Variants in EXOC4 observed in about 807,000 individuals in gnomAD.
EXOC4 encodes the protein SEC8-like 1.
EXOC4 carries 71 observed loss-of-function variants against 107.2 expected under a neutral mutation model. The observed-to-expected ratio is 0.66, with a 90% confidence interval of 0.55 to 0.81. EXOC4 has a LOEUF of 0.81. EXOC4 is among the 30% of genes least tolerant of loss of function. The probability of loss-of-function intolerance (pLI) is 0.00; values close to 1 mark genes in which losing one functional copy is unlikely to be tolerated. For synonymous variants in EXOC4, 456 were observed against 441.2 expected, an observed-to-expected ratio of 1.03 and a Z score of -0.42; for missense variants, 1,108 against 1,189.6, an observed-to-expected ratio of 0.93 and a Z score of 1.01.
chr7:133,558,611 A>G (rs190843552), intron 9 of EXOC4, among the ~76,000 whole-genome samples: 2 of 152,080 alleles, frequency 1.3e-5, no homozygotes, highest in Non-Finnish European at 2.9e-5. Flanking sequence ...TATTCTTCAA[A>G]TGTCTTTTTA....
chr7:133,592,835 T>A (rs757011636), intron 9 of EXOC4, among the ~76,000 whole-genome samples: 5 of 152,158 alleles, frequency 3.3e-5, no homozygotes, highest in Non-Finnish European at 7.4e-5. Flanking sequence ...TCTCCTGACC[T>A]CATGATCCAC....
intron 10 of EXOC4, among the ~76,000 whole-genome samples, chr7:133,667,894 T>C (rs2151053792): frequency 6.6e-6 from 1 of 152,306 alleles, no homozygotes; most frequent in East Asian, 1.9e-4. Context: ...AGACAAAAAA[T>C]AGACTGTGCA....
rs868384602 is a variant in EXOC4, at chr7:133,971,405, G to A, written c.2207-26087G>A. Among the ~76,000 whole-genome samples, 82 of 139,440 alleles carry A rather than the reference G, an allele frequency of 5.9e-4. 2 individuals are homozygous for A. The highest frequency in any genetic ancestry group is 2.2e-4 in the Non-Finnish European group (14 of 64,620). 91.5% of individuals were successfully genotyped at this position (139,440 alleles called of 152,430 possible). A position where few individuals can be genotyped will look rare whatever the true frequency, so the allele number is the denominator to read the frequency against. On this transcript the variant is annotated intron_variant, in intron 14 of 17. Coordinates refer to ENST00000253861, the MANE Select transcript of EXOC4 (RefSeq NM_021807.4). ...AGAGAGAGAGAGAGAGAGAGAGAAA[G>A]AGAGAGAGAATATGTATTCTATGTA...
chr7:133,619,597 G>C (rs1214824571), intron 9 of EXOC4, among the ~76,000 whole-genome samples: 1 of 152,172 alleles, frequency 6.6e-6, no homozygotes, highest in African/African-American at 2.4e-5. Context: ...AATGAGATGG[G>C]CTCACCTGAT....
chr7:134,013,434 G>A (rs1311667570), intron 17 of EXOC4, among the ~76,000 whole-genome samples: 1 of 152,144 alleles, frequency 6.6e-6, no homozygotes, highest in African/African-American at 2.4e-5. Flanking sequence ...CAGGAGCCTA[G>A]GAGACATGAT....
intron 9 of EXOC4, among the ~76,000 whole-genome samples, chr7:133,492,560 C>T (rs1285685715): frequency 6.6e-6 from 1 of 152,136 alleles, no homozygotes; most frequent in African/African-American, 2.4e-5. Context: ...TTACTCATAA[C>T]CATTCCTCTT....
intron 17 of EXOC4, among the ~76,000 whole-genome samples, chr7:134,028,314 C>G (rs1157774941): frequency 6.6e-6 from 1 of 152,118 alleles, no homozygotes; most frequent in Non-Finnish European, 1.5e-5. Flanking sequence ...TTTTATTAGC[C>G]TTTGATATTG....
chr7:133,691,503 A>T (rs1393393569), intron 10 of EXOC4, among the ~76,000 whole-genome samples: 1 of 152,214 alleles, frequency 6.6e-6, no homozygotes, highest in Non-Finnish European at 1.5e-5. Context: ...AAATATTAAT[A>T]ATACATATTT....
intron 9 of EXOC4, among the ~76,000 whole-genome samples, chr7:133,568,208 G>T (rs1245022025): frequency 6.6e-6 from 1 of 150,820 alleles, no homozygotes; most frequent in East Asian, 1.9e-4. Context: ...GTAATTTTCA[G>T]TTGCCTCTTC....
intron 12 of EXOC4, among the ~76,000 whole-genome samples, chr7:133,897,132 T>A (rs979627495): frequency 2.0e-5 from 3 of 151,646 alleles, no homozygotes; most frequent in African/African-American, 4.9e-5. Context: ...AGATATGGAA[T>A]CATTATAAGT....
intron 7 of EXOC4, among the ~76,000 whole-genome samples, chr7:133,441,513 C>T (rs1478297375): frequency 3.3e-5 from 5 of 152,140 alleles, no homozygotes; most frequent in Non-Finnish European, 4.4e-5. Context: ...GCCTCAGCCT[C>T]CCGAGTACCT....
chr7:133,988,112 G>C (rs1794159659), intron 14 of EXOC4, among the ~76,000 whole-genome samples: 1 of 152,170 alleles, frequency 6.6e-6, no homozygotes, highest in Non-Finnish European at 1.5e-5. Flanking sequence ...ATCGTAAAGA[G>C]AGACCCCAAG....
intron 9 of EXOC4, among the ~76,000 whole-genome samples, chr7:133,543,332 T>G (rs1313361057): frequency 6.6e-6 from 1 of 152,206 alleles, no homozygotes. Flanking sequence ...TAATTAATTC[T>G]GTTTATTCCA....
At chr7:133,743,835 T>G (rs1370528747) in intron 10 of EXOC4, among the ~76,000 whole-genome samples, 26 of 152,184 alleles carry the variant, frequency 1.7e-4, no homozygotes. Context: ...TGTGAAATCT[T>G]CTAAATACAT....
chr7:133,428,968 G>A (rs1303269219), intron 7 of EXOC4, among the ~76,000 whole-genome samples: 3 of 151,340 alleles, frequency 2.0e-5, no homozygotes, highest in Non-Finnish European at 4.4e-5. Context: ...TTCTTATAAT[G>A]AGTCAGAAGT....
At chr7:133,261,445 A>G (rs1479334690) in intron 1 of EXOC4, among the ~76,000 whole-genome samples, 1 of 151,506 alleles carries the variant, frequency 6.6e-6, no homozygotes, top group African/African-American at 2.4e-5. Flanking sequence ...TTTCATATAT[A>G]TTTTTAGGTT....
chr7:133,652,774 C>G (rs2151036427), intron 10 of EXOC4, among the ~76,000 whole-genome samples: 1 of 152,332 alleles, frequency 6.6e-6, no homozygotes, highest in East Asian at 1.9e-4. Context: ...ACTGTTTCTA[C>G]ATTCCAAACT....
At chr7:133,513,169 T>A (rs940665622) in intron 9 of EXOC4, among the ~76,000 whole-genome samples, 21 of 152,236 alleles carry the variant, frequency 1.4e-4, no homozygotes, top group Non-Finnish European at 2.4e-4. Flanking sequence ...TTTTTAAAAA[T>A]TTTTATTTTT....
chr7:134,090,610 G>A, the EXOC4 span, among the ~76,000 whole-genome samples: 79 of 152,228 alleles, frequency 5.2e-4, 1 homozygote, highest in African/African-American at 1.8e-3. Context: ...TGGGGAAGGC[G>A]AAGAGCTCAG....
Sources: allele counts gnomAD v4.1 joint callset (sites outside exome capture counted in the v4.1 genomes callset), GRCh38; gene constraint gnomAD v4.1.1; transcripts MANE v1.5; gene names NCBI Gene and HGNC (gene_info 2026-07-23, HGNC 2026-07-21).